The following ACOT7 variants were observed in gnomAD, a reference collection of about 807,000 sequenced individuals.
ACOT7 encodes cytosolic acyl coenzyme A thioester hydrolase.
Under a neutral mutation model 40.2 loss-of-function variants are expected in ACOT7, and 12 were observed. The observed-to-expected ratio is 0.30, with a 90% CI of 0.19 to 0.48. The LOEUF (loss-of-function observed/expected upper bound fraction) is 0.48, where lower values mean the gene tolerates loss of function less well. Ranked by LOEUF, ACOT7 falls within the 20% of genes least tolerant of loss-of-function variation. The probability of loss-of-function intolerance (pLI) is 0.99; values close to 1 mark genes in which losing one functional copy is unlikely to be tolerated. For synonymous variants in ACOT7, 228 were observed against 219.5 expected (o/e 1.04, Z -0.34); for missense variants, 395 against 530.8 (o/e 0.74, Z 2.51).
intron 7 of ACOT7, 47 bp from the exon 8 acceptor site, chr1:6,281,333 C>T (rs1398437853): frequency 6.4e-7 from 1 of 1,564,830 alleles, no homozygotes; most frequent in East Asian, 2.2e-5. Flanking sequence ...CACCCCACGG[C>T]TGGGCGGGGG....
intron 4 of ACOT7, among the ~76,000 whole-genome samples, chr1:6,328,975 C>A (rs1640882402): frequency 6.6e-6 from 1 of 152,244 alleles, no homozygotes; most frequent in Admixed American, 6.5e-5. Flanking sequence ...CCTGGCTGTT[C>A]TGATTAGCCT....
chr1:6,277,342 G>A (rs1297031825), intron 8 of ACOT7, among the ~76,000 whole-genome samples: 1 of 152,226 alleles, frequency 6.6e-6, no homozygotes, highest in Non-Finnish European at 1.5e-5. Flanking sequence ...CACCAACCAC[G>A]CCTGCAGCCG....
intron 6 of ACOT7, among the ~76,000 whole-genome samples, chr1:6,314,570 T>G (rs1292954871): frequency 6.6e-6 from 1 of 151,554 alleles, no homozygotes; most frequent in Non-Finnish European, 1.5e-5. Context: ...AGGTCACCCC[T>G]TCAGTCTGTA....
rs33955440 is a variant in ACOT7 at position 6,389,774 on chromosome 1, C to CA, written c.143+3482dup. Among the ~76,000 whole-genome samples, 379 of 90,946 alleles carry CA rather than the reference C, an allele frequency of 4.2e-3. 3 individuals are homozygous for CA. The highest frequency in any genetic ancestry group is 0.018 in the Admixed American group (141 of 7,764). 59.7% of individuals were successfully genotyped at this position (90,946 alleles called of 152,430 possible). A position where few individuals can be genotyped will look rare whatever the true frequency, so the allele number is the denominator to read the frequency against. On this transcript the variant is annotated intron_variant, in intron 1 of 8. Transcript: ENST00000361521. ...TGGGGGACAGGGCAAGACTCCCTCTCAAAAAAAAAAAAAAAAGAAAGAAAA... is the reference window on the plus strand; with the variant it reads ...TGGGGGACAGGGCAAGACTCCCTCTCAAAAAAAAAAAAAAAAAGAAAGAAAA...
intron 5 of ACOT7, among the ~76,000 whole-genome samples, chr1:6,322,262 GC>G (rs1640667719): frequency 6.6e-6 from 1 of 152,160 alleles, no homozygotes; most frequent in Non-Finnish European, 1.5e-5. Flanking sequence ...GGGTGGGGAG[GC>G]CCCCAGAATG....
At chr1:6,318,095 G>T (rs1391204613) in intron 6 of ACOT7, among the ~76,000 whole-genome samples, 2 of 152,030 alleles carry the variant, frequency 1.3e-5, no homozygotes, top group Admixed American at 1.3e-4. Context: ...TCGTTCTGTT[G>T]CCCAGGCTGA....
chr1:6,279,675 C>T (rs548812753), intron 8 of ACOT7, among the ~76,000 whole-genome samples: 30 of 152,322 alleles, frequency 2.0e-4, no homozygotes, highest in African/African-American at 7.2e-4. Context: ...TCAGCCCACC[C>T]GACCTGGGAG....
At chr1:6,385,872 G>A (rs1291549288) in intron 1 of ACOT7, 3 of 1,378,042 alleles carry the variant, frequency 2.2e-6, no homozygotes, top group East Asian at 5.2e-5. Context: ...TGGATCACAG[G>A]ATGTTCTCTA....
At chr1:6,365,078 C>CT (rs1641974233) in intron 1 of ACOT7, among the ~76,000 whole-genome samples, 1 of 152,062 alleles carries the variant, frequency 6.6e-6, no homozygotes, top group African/African-American at 2.4e-5. Flanking sequence ...GTGGATGAAT[C>CT]TCCAAGTAAT....
chr1:6,333,015 C>T (rs752827954), intron 4 of ACOT7, among the ~76,000 whole-genome samples: 1 of 152,260 alleles, frequency 6.6e-6, no homozygotes, highest in South Asian at 2.1e-4. Flanking sequence ...TCAGAACCAG[C>T]TTGCAGGGGC....
chr1:6,325,315 G>A lies in ACOT7; in HGVS notation c.625+1984C>T, dbSNP rs1368008815. Reference sequence around the variant, plus strand: ...GGGGAGGCTGAGGCAGGAGAATGGCGTGAACCCGGGAGGCAGAGCTTGCAG... The same window carrying A: ...GGGGAGGCTGAGGCAGGAGAATGGCATGAACCCGGGAGGCAGAGCTTGCAG... On this transcript the variant is annotated intron_variant, in intron 5 of 8. Coordinates refer to ENST00000361521, the MANE Select transcript of ACOT7 (RefSeq NM_007274.4). Among the ~76,000 whole-genome samples the A allele has an allele frequency of 4.0e-5, 6 of 151,820 alleles. No homozygotes were observed. In the East Asian group the frequency reaches 9.7e-4, roughly 25 times the overall value.
In ACOT7 at chr1:6,393,647, C is replaced by A. The variant is rs1279307223; in HGVS notation, c.-248G>T. On this transcript the variant is annotated 5_prime_UTR_variant, in exon 1 of 9. Transcript: ENST00000361521. ...GGGCCGCGCCGGTGCGGGGAAGGCC[C>A]GCTAGCCGCGGCAGCCGCGCCCGAC... The A allele has an allele frequency of 1.8e-5, 5 of 284,612 alleles. No homozygotes were observed. Among genetic ancestry groups the A allele is most frequent in the Middle Eastern group, 1.0e-3 (1 of 972 alleles). 17.6% of individuals were successfully genotyped at this position (284,612 alleles called of 1,614,324 possible).
intron 1 of ACOT7, among the ~76,000 whole-genome samples, chr1:6,350,963 C>T (rs774927450): frequency 6.6e-6 from 1 of 152,234 alleles, no homozygotes; most frequent in South Asian, 2.1e-4. Flanking sequence ...TGGGAGATCA[C>T]GCAGATCGCA....
intron 8 of ACOT7, among the ~76,000 whole-genome samples, chr1:6,270,798 G>C (rs1639011170): frequency 6.6e-6 from 1 of 152,208 alleles, no homozygotes; most frequent in Non-Finnish European, 1.5e-5. Flanking sequence ...AGAAATACCT[G>C]AGGCCAAGTG....
intron 8 of ACOT7, among the ~76,000 whole-genome samples, chr1:6,277,385 G>C (rs1639226239): frequency 1.3e-5 from 2 of 152,186 alleles, no homozygotes; most frequent in African/African-American, 4.8e-5. Flanking sequence ...CCCACTATCA[G>C]CTTTGAAGGG....
intron 8 of ACOT7, among the ~76,000 whole-genome samples, chr1:6,265,866 G>T (rs1638836040): frequency 6.6e-6 from 1 of 152,214 alleles, no homozygotes; most frequent in South Asian, 2.1e-4. Flanking sequence ...TTGGGCCTAA[G>T]TGTTTCATAG....
chr1:6,290,455 A>C (rs1639632348), intron 7 of ACOT7, among the ~76,000 whole-genome samples: 1 of 152,152 alleles, frequency 6.6e-6, no homozygotes, highest in Non-Finnish European at 1.5e-5. Context: ...CATGAGGGGC[A>C]CGGGCTGTGA....
rs770045340 is a variant in ACOT7, at chr1:6,281,182, G to A, written c.934C>T (p.Arg312Cys). The change falls in exon 8 of 9, where the codon CGC becomes TGC. Residue 312 changes from arginine (R) to cysteine (C), a missense_variant. Coordinates refer to ENST00000361521, the MANE Select transcript of ACOT7 (RefSeq NM_007274.4). ...ADPVVDSSQKRYRAASAFFTY... is the reference protein window; with the variant it reads ...ADPVVDSSQKCYRAASAFFTY... ...AAGAAGGCACTGGCGGCCCGGTAGCGCTTCTGAGAGCTGTCCACAACAGGG... is the reference window on the plus strand; with the variant it reads ...AAGAAGGCACTGGCGGCCCGGTAGCACTTCTGAGAGCTGTCCACAACAGGG... 46 of 1,613,994 alleles carry A rather than the reference G, an allele frequency of 2.9e-5. No homozygotes were observed. The South Asian group carries it at 4.0e-4, about 14-fold the overall frequency.
chr1:6,264,997 G>C (rs1638777341), intron 8 of ACOT7, among the ~76,000 whole-genome samples: 1 of 152,240 alleles, frequency 6.6e-6, no homozygotes, highest in Admixed American at 6.5e-5. Flanking sequence ...TAAGGGCATG[G>C]CGGGTCAGAA....
Sources: allele counts gnomAD v4.1 joint callset (sites outside exome capture counted in the v4.1 genomes callset), GRCh38; gene constraint gnomAD v4.1.1; transcripts MANE v1.5; gene names NCBI Gene and HGNC (gene_info 2026-07-23, HGNC 2026-07-21).